The following NPAS3 variants were observed in gnomAD, a reference collection of about 807,000 sequenced individuals.
NPAS3 encodes neuronal PAS domain-containing protein 3.
NPAS3 carries 14 observed loss-of-function variants against 73.1 expected under a neutral mutation model. That is an observed-to-expected ratio of 0.19 (90% CI 0.13 to 0.30). The LOEUF is 0.30. NPAS3 is among the 10% of genes least tolerant of loss of function. The pLI is 1.00. For synonymous variants in NPAS3, 620 were observed against 541.5 expected, an observed-to-expected ratio of 1.14 and a Z score of -2.01; for missense variants, 1,096 against 1,250.0, an observed-to-expected ratio of 0.88 and a Z score of 1.86.
intron 3 of NPAS3, among the ~76,000 whole-genome samples, chr14:33,231,313 A>G (rs2047842538): frequency 6.6e-6 from 1 of 152,160 alleles, no homozygotes. Flanking sequence ...CCCCTCAAAT[A>G]TATATTTTAG....
chr14:33,109,933 G>A (rs1006495168), intron 2 of NPAS3, among the ~76,000 whole-genome samples: 2 of 149,132 alleles, frequency 1.3e-5, no homozygotes, highest in Admixed American at 6.8e-5. Context: ...CTCCTGAGTA[G>A]CTGGGACTAT....
chr14:33,663,657 A>T (rs1310568202), intron 5 of NPAS3, among the ~76,000 whole-genome samples: 1 of 152,114 alleles, frequency 6.6e-6, no homozygotes, highest in Admixed American at 6.5e-5. Flanking sequence ...GAATTCAGCT[A>T]TGAATCCGTC....
intron 11 of NPAS3, among the ~76,000 whole-genome samples, chr14:33,799,457 A>G (rs571493830): frequency 2.8e-4 from 42 of 152,276 alleles, no homozygotes; most frequent in African/African-American, 1.0e-3. Flanking sequence ...CCTGGGTGGG[A>G]GCAGAGAGTC....
At chr14:33,710,516 C>A (rs984522549) in intron 6 of NPAS3, among the ~76,000 whole-genome samples, 1 of 152,166 alleles carries the variant, frequency 6.6e-6, no homozygotes, top group Non-Finnish European at 1.5e-5. Context: ...TAAGCCGAGG[C>A]CGCATTCTTC....
In NPAS3 at chr14:33,439,988, C is replaced by T. The variant is rs2049168391; in HGVS notation, c.468+72720C>T. 4.6e-5 allele frequency among the ~76,000 whole-genome samples: 7 copies of T among 151,976 alleles called. No homozygotes were observed. In the South Asian group the frequency reaches 6.2e-4, roughly 14 times the overall value. On this transcript the variant is annotated intron_variant, in intron 4 of 11. Coordinates refer to ENST00000356141, the Ensembl canonical transcript of NPAS3. ...AAAATTAGCTAGGCGTGGTGGCGGG[C>T]GCCTGTAGTCCCAGCCACTCGGGAG...
At chr14:33,264,080 T>C (rs2049079115) in intron 3 of NPAS3, among the ~76,000 whole-genome samples, 1 of 152,184 alleles carries the variant, frequency 6.6e-6, no homozygotes, top group Non-Finnish European at 1.5e-5. Context: ...CACCATGGAA[T>C]ACTATGCGGC....
At chr14:33,022,582 G>C (rs1350981775) in intron 1 of NPAS3, among the ~76,000 whole-genome samples, 1 of 150,960 alleles carries the variant, frequency 6.6e-6, no homozygotes, top group African/African-American at 2.4e-5. Flanking sequence ...GGAGAATGGC[G>C]TGAACCCGGG....
At chr14:33,748,130 A>G (rs1007065135) in intron 7 of NPAS3, among the ~76,000 whole-genome samples, 9 of 152,228 alleles carry the variant, frequency 5.9e-5, no homozygotes, top group Admixed American at 4.6e-4. Context: ...ATTTATAAAT[A>G]TTAGACATGA....
intron 3 of NPAS3, among the ~76,000 whole-genome samples, chr14:33,234,633 C>G (rs1249454664): frequency 6.6e-6 from 1 of 151,988 alleles, no homozygotes; most frequent in Non-Finnish European, 1.5e-5. Context: ...GGTGGCTAGA[C>G]CAGAGCACAT....
chr14:33,311,336 G>A (rs1340379440), intron 3 of NPAS3, among the ~76,000 whole-genome samples: 2 of 152,084 alleles, frequency 1.3e-5, no homozygotes, highest in Non-Finnish European at 2.9e-5. Context: ...TCAATCAAAG[G>A]CCTTATTCAT....
intron 4 of NPAS3, among the ~76,000 whole-genome samples, chr14:33,541,016 A>T (rs1377800633): frequency 1.3e-5 from 2 of 151,722 alleles, no homozygotes; most frequent in African/African-American, 2.4e-5. Flanking sequence ...ACTTTATGGT[A>T]TTAGGCATCC....
rs187890908 is a variant in NPAS3 at position 33,678,815 on chromosome 14, T to C, written c.733+2430T>C. Among the ~76,000 whole-genome samples the C allele has an allele frequency of 2.9e-3, 441 of 151,352 alleles. 4 individuals carry two copies. The highest frequency in any genetic ancestry group is 5.9e-4 in the Non-Finnish European group (40 of 67,938). ...TGCTAGAGTATCCTAGGCTAGAGTC[T>C]AAATACGACAGCAAGCCCAAATAAA... is the stretch of plus-strand genomic sequence containing the variant. On this transcript the variant is annotated intron_variant, in intron 6 of 11. Coordinates refer to ENST00000356141, the Ensembl canonical transcript of NPAS3.
downstream of NPAS3, chr14:33,803,026 T>C (rs1035374614): frequency 6.6e-6 from 1 of 152,234 alleles, no homozygotes; most frequent in African/African-American, 2.4e-5. Context: ...GGTATGACTC[T>C]GTCTTCTGGA....
chr14:33,478,482 C>G (rs2051153331), intron 4 of NPAS3, among the ~76,000 whole-genome samples: 1 of 152,116 alleles, frequency 6.6e-6, no homozygotes, highest in Admixed American at 6.6e-5. Flanking sequence ...ACAGCCTGTC[C>G]TCCCAAGGAG....
At chr14:33,075,877 G>A (rs185494213) in intron 2 of NPAS3, among the ~76,000 whole-genome samples, 18 of 152,212 alleles carry the variant, frequency 1.2e-4, no homozygotes, top group Admixed American at 2.0e-4. Flanking sequence ...TGGTAGGATT[G>A]GAGATTGGAT....
chr14:33,423,205 A>G (rs918874319), intron 4 of NPAS3, among the ~76,000 whole-genome samples: 15 of 152,186 alleles, frequency 9.9e-5, no homozygotes, highest in African/African-American at 2.9e-4. Context: ...ACACCTATGT[A>G]GCCAGAGATG....
At chr14:33,348,140 G>A (rs1242876571) in intron 3 of NPAS3, among the ~76,000 whole-genome samples, 1 of 152,162 alleles carries the variant, frequency 6.6e-6, no homozygotes, top group African/African-American at 2.4e-5. Context: ...ATTTTAGAGA[G>A]GAGGAAATCA....
chr14:33,447,301 C>T (rs1227591102), intron 4 of NPAS3, among the ~76,000 whole-genome samples: 1 of 152,170 alleles, frequency 6.6e-6, no homozygotes, highest in Non-Finnish European at 1.5e-5. Flanking sequence ...CACAGAAACA[C>T]AGAAGAGCAT....
At chr14:33,373,400 G>A (rs185532903) in intron 4 of NPAS3, among the ~76,000 whole-genome samples, 1 of 151,894 alleles carries the variant, frequency 6.6e-6, no homozygotes, top group Non-Finnish European at 1.5e-5. Context: ...GTGTGTGTGT[G>A]TGTGTGTGTG....
Sources: allele counts gnomAD v4.1 joint callset (sites outside exome capture counted in the v4.1 genomes callset), GRCh38; gene constraint gnomAD v4.1.1; transcripts MANE v1.5; gene names NCBI Gene and HGNC (gene_info 2026-07-23, HGNC 2026-07-21).